The following DOK6 variants were observed in gnomAD, a reference collection of about 807,000 sequenced individuals.
The protein encoded by DOK6 is downstream of tyrosine kinase 6.
Under a neutral mutation model 44.0 loss-of-function variants are expected in DOK6, and 22 were observed. The ratio of observed to expected loss-of-function variants is 0.50; its 90% CI spans 0.36 to 0.71. DOK6 has a LOEUF of 0.71. Among genes scored for constraint, DOK6 ranks in the 30% least tolerant of loss-of-function variants. The pLI is 0.00. For missense variants in DOK6, 340 were observed against 416.4 expected (o/e 0.82, Z 1.60); for synonymous variants, 166 against 145.5 (o/e 1.14, Z -1.01).
intron 1 of DOK6, among the ~76,000 whole-genome samples, chr18:69,555,002 C>T (rs113787126): frequency 0.018 from 2,725 of 152,270 alleles, 76 homozygotes; most frequent in African/African-American, 0.062. Context: ...GGATTATTTA[C>T]ATATTCTGGA....
At position 69,517,729 on chromosome 18, in the gene DOK6, G is replaced by GTT. The variant is rs5825948; in HGVS notation, c.67-46746_67-46745dup. On this transcript the variant is annotated intron_variant, in intron 1 of 7. Transcript: ENST00000382713. ...TTCAAGAGTTGTGCTATACAGCTTG[G>GTT]TTTTTTTTTTTTTAATTTCCCATAA... 6.3e-3 allele frequency among the ~76,000 whole-genome samples: 925 copies of GTT among 146,726 alleles called. 5 individuals are homozygous for GTT. Among genetic ancestry groups the GTT allele is most frequent in the African/African-American group, 0.016 (623 of 39,984 alleles).
At chr18:69,421,921 C>G (rs1448240889) in intron 1 of DOK6, among the ~76,000 whole-genome samples, 1 of 151,992 alleles carries the variant, frequency 6.6e-6, no homozygotes, top group African/African-American at 2.4e-5. Context: ...ACCTGACTAG[C>G]TCTTCCCTGC....
In DOK6 at chr18:69,609,486, G is replaced by GAAATAAATAAAT. The variant is rs58206678; in HGVS notation, c.289+10003_289+10014dup. 4.0e-5 allele frequency among the ~76,000 whole-genome samples: 6 copies of GAAATAAATAAAT among 148,178 alleles called. No homozygotes were observed. In the South Asian group the frequency reaches 6.2e-4, roughly 15 times the overall value. On this transcript the variant is annotated intron_variant, in intron 3 of 7. Transcript: ENST00000382713. ...AAACCTGCCAGGATGGCTATTACAA[G>GAAATAAATAAAT]AAATAAATAAATAAATAAATAAATA...
intron 7 of DOK6, among the ~76,000 whole-genome samples, chr18:69,764,151 G>T (rs1178396241): frequency 6.6e-6 from 1 of 152,062 alleles, no homozygotes; most frequent in Non-Finnish European, 1.5e-5. Flanking sequence ...TGCTAGATCT[G>T]CCCCTTTAAC....
At chr18:69,615,728 G>A (rs554541830) in intron 3 of DOK6, among the ~76,000 whole-genome samples, 3 of 152,258 alleles carry the variant, frequency 2.0e-5, no homozygotes, top group African/African-American at 4.8e-5. Context: ...TGGGTATGCC[G>A]TTGTCAGACT....
chr18:69,687,726 CTG>C (rs1986183484), intron 4 of DOK6, among the ~76,000 whole-genome samples: 1 of 152,098 alleles, frequency 6.6e-6, no homozygotes, highest in Admixed American at 6.6e-5. Flanking sequence ...CACTAACAGA[CTG>C]AAGAACATCA....
chr18:69,446,872 T>C (rs1979309611), intron 1 of DOK6, among the ~76,000 whole-genome samples: 1 of 152,256 alleles, frequency 6.6e-6, no homozygotes, highest in Non-Finnish European at 1.5e-5. Flanking sequence ...AAAATGTCTG[T>C]TCATATCCTT....
chr18:69,642,173 A>T (rs1568319551), intron 3 of DOK6, among the ~76,000 whole-genome samples: 1 of 152,180 alleles, frequency 6.6e-6, no homozygotes, highest in Non-Finnish European at 1.5e-5. Context: ...AGACATGATG[A>T]TACCTACCCT....
intron 3 of DOK6, among the ~76,000 whole-genome samples, chr18:69,657,146 A>G (rs180729887): frequency 6.6e-6 from 1 of 152,366 alleles, no homozygotes; most frequent in Admixed American, 6.5e-5. Context: ...TACAAGATAA[A>G]TGCACATAAA....
intron 1 of DOK6, among the ~76,000 whole-genome samples, chr18:69,551,043 C>G (rs754962282): frequency 6.6e-6 from 1 of 151,610 alleles, no homozygotes; most frequent in African/African-American, 2.4e-5. Flanking sequence ...GTAACATTTA[C>G]TGTACTTTAA....
chr18:69,574,059 C>T (rs560163432), intron 2 of DOK6, among the ~76,000 whole-genome samples: 2 of 152,070 alleles, frequency 1.3e-5, no homozygotes, highest in East Asian at 1.9e-4. Context: ...GATCTGCCCT[C>T]TTTATTGGGG....
intron 7 of DOK6, among the ~76,000 whole-genome samples, chr18:69,823,041 A>G (rs910776078): frequency 6.6e-6 from 1 of 152,212 alleles, no homozygotes; most frequent in Admixed American, 6.5e-5. Flanking sequence ...TTAACAATCA[A>G]AAATGTGCAG....
intron 2 of DOK6, among the ~76,000 whole-genome samples, chr18:69,590,326 G>A (rs2144616196): frequency 6.6e-6 from 1 of 152,212 alleles, no homozygotes; most frequent in Non-Finnish European, 1.5e-5. Context: ...CTAGAGAAAA[G>A]GTCTGTCCAG....
chr18:69,664,639 C>G (rs560562935), intron 3 of DOK6, among the ~76,000 whole-genome samples: 1 of 152,170 alleles, frequency 6.6e-6, no homozygotes, highest in East Asian at 1.9e-4. Flanking sequence ...CAAGCAATAT[C>G]ACCCTGTAGG....
At chr18:69,482,154 T>G (rs1407988996) in intron 1 of DOK6, among the ~76,000 whole-genome samples, 2 of 152,206 alleles carry the variant, frequency 1.3e-5, no homozygotes, top group Non-Finnish European at 2.9e-5. Context: ...TTGCAAAAAT[T>G]TTCTCCCATT....
chr18:69,485,462 T>C (rs1980548068), intron 1 of DOK6, among the ~76,000 whole-genome samples: 1 of 152,170 alleles, frequency 6.6e-6, no homozygotes, highest in African/African-American at 2.4e-5. Flanking sequence ...CATTTCACTC[T>C]GTCCCGTGGA....
chr18:69,513,939 G>A (rs548383063), intron 1 of DOK6, among the ~76,000 whole-genome samples: 1 of 151,934 alleles, frequency 6.6e-6, no homozygotes, highest in African/African-American at 2.4e-5. Flanking sequence ...TAGGTATCTC[G>A]TAAGGTTTAA....
intron 5 of DOK6, among the ~76,000 whole-genome samples, chr18:69,731,048 G>T (rs1044539515): frequency 6.6e-6 from 1 of 152,026 alleles, no homozygotes; most frequent in Admixed American, 6.6e-5. Context: ...ATCTTAGAAT[G>T]ATTTGTATTT....
At position 69,497,206 on chromosome 18, in the gene DOK6, T is replaced by A. The variant is rs1465729245; in HGVS notation, c.67-67281T>A. On this transcript the variant is annotated intron_variant, in intron 1 of 7. Coordinates refer to ENST00000382713, the MANE Select transcript of DOK6 (RefSeq NM_152721.6). ...TGGAAAGCTACGCATAAGATTATTATCAAACCTTCTAAACAGCATTTGTCT... is the reference window on the plus strand; with the variant it reads ...TGGAAAGCTACGCATAAGATTATTAACAAACCTTCTAAACAGCATTTGTCT... 3.9e-5 allele frequency among the ~76,000 whole-genome samples: 6 copies of A among 152,212 alleles called. No homozygotes were observed. The East Asian group carries it at 1.2e-3, about 29-fold the overall frequency.
Sources: gnomAD v4.1 joint callset for allele counts (sites outside exome capture counted in the v4.1 genomes callset) on GRCh38, gnomAD v4.1.1 for gene constraint, MANE v1.5 for transcripts, NCBI Gene and HGNC (gene_info 2026-07-23, HGNC 2026-07-21) for gene names.